TRDN: variants seen among roughly 807,000 people sequenced by gnomAD.
TRDN encodes triadin.
TRDN carries 161 observed loss-of-function variants against 149.7 expected under a neutral mutation model. That is an observed-to-expected ratio of 1.08 (90% CI 0.95 to 1.23). TRDN has a LOEUF of 1.23. TRDN is among the 50% of genes most tolerant of loss of function. TRDN has a pLI of 0.00. For synonymous variants in TRDN, 294 were observed against 250.5 expected (o/e 1.17, Z -1.64); for missense variants, 896 against 823.5 (o/e 1.09, Z -1.08).
chr6:123,354,329 A>C (rs930589713), intron 20 of TRDN, among the ~76,000 whole-genome samples: 2 of 151,810 alleles, frequency 1.3e-5, no homozygotes, highest in African/African-American at 4.8e-5. Flanking sequence ...GGGCTGTTTT[A>C]AGGTCTAAGT....
At chr6:123,602,459 G>T (rs1451388665) in intron 1 of TRDN, among the ~76,000 whole-genome samples, 8 of 151,998 alleles carry the variant, frequency 5.3e-5, no homozygotes, top group South Asian at 2.1e-4. Context: ...AGGGATAAAA[G>T]ACTACATATT....
chr6:123,587,891 C>T (rs890967334), intron 1 of TRDN, among the ~76,000 whole-genome samples: 2 of 152,076 alleles, frequency 1.3e-5, no homozygotes, highest in African/African-American at 4.8e-5. Context: ...AGGAACAGGC[C>T]ATTTTCACTT....
intron 5 of TRDN, among the ~76,000 whole-genome samples, chr6:123,529,615 G>C (rs1186612301): frequency 2.6e-5 from 4 of 152,000 alleles, no homozygotes. Context: ...TTTACTAGCT[G>C]CAACTGTGGT....
intron 10 of TRDN, chr6:123,439,580 A>G (rs13196705): frequency 0.28 from 43,305 of 152,150 alleles, 6,599 homozygotes; most frequent in South Asian, 0.39. Context: ...GTATCAACAA[A>G]GCTGTTCAAT....
chr6:123,553,449 A>G (rs1756814939), intron 2 of TRDN, among the ~76,000 whole-genome samples: 2 of 152,074 alleles, frequency 1.3e-5, no homozygotes, highest in South Asian at 4.1e-4. Context: ...GGTCCCAGGA[A>G]TCTTCTGCCC....
chr6:123,456,981 T>C (rs1194818756), intron 10 of TRDN: 6 of 357,982 alleles, frequency 1.7e-5, no homozygotes, highest in East Asian at 1.7e-4. Context: ...AGCAAGAGCA[T>C]TGGAGGAAAC....
At chr6:123,575,720 T>A (rs1037764425) in intron 1 of TRDN, among the ~76,000 whole-genome samples, 3 of 152,100 alleles carry the variant, frequency 2.0e-5, no homozygotes, top group Non-Finnish European at 4.4e-5. Flanking sequence ...GAGGGATTGC[T>A]TATATAATGG....
In TRDN at chr6:123,251,577, AAAATTAAAATTACACATATG is replaced by A. The variant is rs535745029; in HGVS notation, c.1975+815_1975+834del. Among the ~76,000 whole-genome samples the A allele has an allele frequency of 4.2e-3, 633 of 152,054 alleles. 8 individuals carry two copies. Among genetic ancestry groups the A allele is most frequent in the Non-Finnish European group, 3.7e-3 (251 of 67,944 alleles). ...AACTAGAAAATTAAAATAACATATT[AAAATTAAAATTACACATATG>A]AAATTAAAATTACATATATGTAATT... is the stretch of plus-strand genomic sequence containing the variant. On this transcript the variant is annotated intron_variant, in intron 38 of 40. Coordinates refer to ENST00000334268, the MANE Select transcript of TRDN (RefSeq NM_006073.4).
intron 38 of TRDN, among the ~76,000 whole-genome samples, chr6:123,249,014 A>G (rs769164890): frequency 3.0e-4 from 45 of 152,130 alleles, no homozygotes; most frequent in Admixed American, 5.2e-4. Flanking sequence ...AAAAGATACT[A>G]CACCATGACC....
At chr6:123,304,420 T>C (rs540902568) in intron 24 of TRDN, among the ~76,000 whole-genome samples, 1 of 151,840 alleles carries the variant, frequency 6.6e-6, no homozygotes, top group East Asian at 1.9e-4. Context: ...GCCCGGCTAA[T>C]TTTTTTGTAT....
At chr6:123,264,146 G>C (rs890932360) in intron 33 of TRDN, among the ~76,000 whole-genome samples, 2 of 152,026 alleles carry the variant, frequency 1.3e-5, no homozygotes, top group Non-Finnish European at 2.9e-5. Flanking sequence ...CATTTCATAA[G>C]GCTGTAGGTG....
chr6:123,396,314 G>A (rs575106915), intron 12 of TRDN, among the ~76,000 whole-genome samples: 3 of 152,196 alleles, frequency 2.0e-5, no homozygotes, highest in East Asian at 1.9e-4. Flanking sequence ...TGAGCCCACC[G>A]TTTCCAACAC....
intron 2 of TRDN, among the ~76,000 whole-genome samples, chr6:123,551,979 T>C (rs1781415530): frequency 6.6e-6 from 1 of 152,004 alleles, no homozygotes; most frequent in Non-Finnish European, 1.5e-5. Context: ...CTTGTAACCA[T>C]GAGAACAGTA....
chr6:123,348,607 A>G (rs1270067462), intron 21 of TRDN, among the ~76,000 whole-genome samples: 2 of 152,080 alleles, frequency 1.3e-5, no homozygotes, highest in Admixed American at 6.6e-5. Flanking sequence ...TCAGGAAACA[A>G]TCTTTGCTCT....
chr6:123,295,995 G>A (rs184401290), intron 24 of TRDN, among the ~76,000 whole-genome samples: 1 of 151,872 alleles, frequency 6.6e-6, no homozygotes, highest in Admixed American at 6.6e-5. Flanking sequence ...TGAATGAATG[G>A]CAAATTAAAA....
chr6:123,236,889 C>A (rs1475533128), intron 38 of TRDN, among the ~76,000 whole-genome samples: 1 of 144,526 alleles, frequency 6.9e-6, no homozygotes, highest in Non-Finnish European at 1.5e-5. Flanking sequence ...CAAATTTGTT[C>A]TTTTAAAAAA....
chr6:123,448,307 C>A (rs1310641622), intron 10 of TRDN, among the ~76,000 whole-genome samples: 1 of 152,156 alleles, frequency 6.6e-6, no homozygotes, highest in Admixed American at 6.5e-5. Flanking sequence ...AAGCCCTTTT[C>A]TTTTGCAGCT....
In TRDN at chr6:123,445,847, A is replaced by G. The variant is rs1228906296; in HGVS notation, c.932-6844T>C. Reference sequence around the variant, plus strand: ...GTGTGGCGATTCCTCAGGGATCTAGAACTAGAAATACCATTTGACCCAGCC... The same window carrying G: ...GTGTGGCGATTCCTCAGGGATCTAGGACTAGAAATACCATTTGACCCAGCC... On this transcript the variant is annotated intron_variant, in intron 10 of 40. Coordinates refer to ENST00000334268, the MANE Select transcript of TRDN (RefSeq NM_006073.4). 5.0e-4 allele frequency among the ~76,000 whole-genome samples: 64 copies of G among 128,056 alleles called. 2 individuals are homozygous for G. The East Asian group carries it at 0.013, about 26-fold the overall frequency. The allele number at this position is 128,056 out of a possible 152,430, so 84.0% of individuals were successfully genotyped here.
intron 31 of TRDN, 107 bp from the exon 32 acceptor site, chr6:123,267,858 A>G (rs945262390): frequency 2.7e-6 from 2 of 747,130 alleles, no homozygotes; most frequent in African/African-American, 1.8e-5. Context: ...GGCATGCCCC[A>G]AAGTCATTTT....
Sources: allele counts gnomAD v4.1 joint callset (sites outside exome capture counted in the v4.1 genomes callset), GRCh38; gene constraint gnomAD v4.1.1; transcripts MANE v1.5; gene names NCBI Gene and HGNC (gene_info 2026-07-23, HGNC 2026-07-21).